Variants in STXBP6 observed in about 807,000 individuals in gnomAD.
STXBP6 encodes the protein syntaxin binding protein 6.
Under a neutral mutation model 26.9 loss-of-function variants are expected in STXBP6, and 21 were observed. The observed-to-expected ratio is 0.78, with a 90% CI of 0.55 to 1.12. The LOEUF (loss-of-function observed/expected upper bound fraction) is 1.12. STXBP6 is among the 50% of genes most tolerant of loss of function. The pLI is 0.00. For synonymous variants in STXBP6, 97 were observed against 92.6 expected (o/e 1.05, Z -0.27); for missense variants, 232 against 257.9 (o/e 0.90, Z 0.69).
intron 1 of STXBP6, among the ~76,000 whole-genome samples, chr14:25,035,770 C>G (rs1457144634): frequency 1.3e-5 from 2 of 152,126 alleles, no homozygotes; most frequent in African/African-American, 4.8e-5. Context: ...ATTTAGCAAT[C>G]TGGTTACCCA....
At chr14:25,011,368 A>G (rs934256173) in intron 1 of STXBP6, among the ~76,000 whole-genome samples, 8 of 152,202 alleles carry the variant, frequency 5.3e-5, no homozygotes, top group African/African-American at 1.9e-4. Context: ...ACTCAAGGAT[A>G]TTACATAAGA....
At chr14:24,824,114 G>GT (rs965934247) in intron 4 of STXBP6, among the ~76,000 whole-genome samples, 4 of 152,256 alleles carry the variant, frequency 2.6e-5, no homozygotes, top group East Asian at 1.9e-4. Flanking sequence ...CCTAAGACAT[G>GT]TTTTTTTCTT....
chr14:24,830,407 T>C (rs2068422079), intron 4 of STXBP6, among the ~76,000 whole-genome samples: 1 of 152,056 alleles, frequency 6.6e-6, no homozygotes, highest in Non-Finnish European at 1.5e-5. Flanking sequence ...AGATGAGATG[T>C]ATGGAAAGAT....
intron 1 of STXBP6, among the ~76,000 whole-genome samples, chr14:25,044,916 C>A (rs1289326850): frequency 1.3e-5 from 2 of 152,182 alleles, no homozygotes; most frequent in African/African-American, 2.4e-5. Flanking sequence ...AGAGTGCTAC[C>A]CACCATTTAT....
intron 2 of STXBP6, among the ~76,000 whole-genome samples, chr14:24,906,995 G>A (rs906099918): frequency 6.6e-6 from 1 of 152,022 alleles, no homozygotes; most frequent in South Asian, 2.1e-4. Context: ...GTAAAATTGT[G>A]GTTAACAAAA....
At chr14:24,917,895 G>C in intron 2 of STXBP6, among the ~76,000 whole-genome samples, 1 of 151,804 alleles carries the variant, frequency 6.6e-6, no homozygotes, top group Non-Finnish European at 1.5e-5. Flanking sequence ...ACATATCCTT[G>C]CCGGACTTCC....
At chr14:24,869,604 T>C (rs868463662) in intron 2 of STXBP6, among the ~76,000 whole-genome samples, 50 of 152,336 alleles carry the variant, frequency 3.3e-4, no homozygotes, top group Middle Eastern at 6.8e-3. Context: ...TCTCCACTGA[T>C]AATTTGTGCC....
rs149465874 is a variant in STXBP6 at position 24,990,369 on chromosome 14, A to G, written c.-32-15519T>C. ...CTACAATATGACCTTGCTTGAAAAG[A>G]TAAGCTGCGCCGCGCGCAGTGGCTC... On this transcript the variant is annotated intron_variant, in intron 1 of 5. Coordinates refer to ENST00000323944, the MANE Select transcript of STXBP6 (RefSeq NM_001394410.1). Among the ~76,000 whole-genome samples the G allele has an allele frequency of 1.5e-3, 224 of 152,306 alleles. 1 individual carries two copies. The highest frequency in any genetic ancestry group is 5.2e-3 in the African/African-American group (218 of 41,578).
intron 2 of STXBP6, among the ~76,000 whole-genome samples, chr14:24,930,967 C>T (rs1167464874): frequency 6.9e-6 from 1 of 144,824 alleles, no homozygotes; most frequent in African/African-American, 2.6e-5. Context: ...AAAAATTAGC[C>T]GGGCGCGGTG....
chr14:24,878,200 G>A (rs1365119607), intron 2 of STXBP6, among the ~76,000 whole-genome samples: 1 of 151,850 alleles, frequency 6.6e-6, no homozygotes, highest in East Asian at 1.9e-4. Context: ...TGACATTTTG[G>A]CAGTTTTGTT....
chr14:25,018,776 T>C (rs1230494034), intron 1 of STXBP6, among the ~76,000 whole-genome samples: 6 of 152,204 alleles, frequency 3.9e-5, no homozygotes, highest in African/African-American at 1.4e-4. Context: ...GACCTGCCTA[T>C]GCAATAAGTT....
chr14:24,990,788 C>T (rs371904053), intron 1 of STXBP6, among the ~76,000 whole-genome samples: 15 of 151,412 alleles, frequency 9.9e-5, no homozygotes, highest in African/African-American at 3.6e-4. Flanking sequence ...AGGTTGATCA[C>T]ATACAAGCAA....
At position 24,914,867 on chromosome 14, in the gene STXBP6, T is replaced by C. The variant is rs975722113; in HGVS notation, c.155-57710A>G. 4.6e-5 allele frequency among the ~76,000 whole-genome samples: 7 copies of C among 152,190 alleles called. 2 individuals carry two copies. The highest frequency in any genetic ancestry group is 3.9e-4 in the Admixed American group (6 of 15,280). On this transcript the variant is annotated intron_variant, in intron 2 of 5. Coordinates refer to ENST00000323944, the MANE Select transcript of STXBP6 (RefSeq NM_001394410.1). ...TTTCCAAAGGATGTAGCTCTTAGCT[T>C]TACAGATTTTGCTCATTTTCAGAAA...
chr14:24,923,986 T>C (rs2072073443), intron 2 of STXBP6, among the ~76,000 whole-genome samples: 1 of 152,164 alleles, frequency 6.6e-6, no homozygotes, highest in Non-Finnish European at 1.5e-5. Context: ...TTCTTTACCC[T>C]GATAAAAATA....
intron 1 of STXBP6, among the ~76,000 whole-genome samples, chr14:25,031,758 C>T (rs1211823171): frequency 6.8e-6 from 1 of 147,746 alleles, no homozygotes; most frequent in African/African-American, 2.5e-5. Flanking sequence ...TATCCTAATG[C>T]ACAGGACAAA....
At chr14:24,895,423 T>C (rs569935841) in intron 2 of STXBP6, among the ~76,000 whole-genome samples, 1 of 152,236 alleles carries the variant, frequency 6.6e-6, no homozygotes, top group African/African-American at 2.4e-5. Context: ...CTAGGTTTAC[T>C]GGCATTCATG....
intron 2 of STXBP6, among the ~76,000 whole-genome samples, chr14:24,858,766 A>G (rs1432593107): frequency 6.6e-6 from 1 of 152,074 alleles, no homozygotes; most frequent in Non-Finnish European, 1.5e-5. Context: ...ACCTGCTCTT[A>G]CGTTTTAATG....
chr14:24,953,282 A>C (rs12586327), intron 2 of STXBP6, among the ~76,000 whole-genome samples: 19,448 of 152,186 alleles, frequency 0.13, 1,580 homozygotes, highest in East Asian at 0.38. Context: ...GGGTAACCTC[A>C]GCTGAAAATC....
intron 2 of STXBP6, among the ~76,000 whole-genome samples, chr14:24,902,041 C>T (rs956486326): frequency 1.3e-5 from 2 of 152,136 alleles, no homozygotes; most frequent in African/African-American, 4.8e-5. Flanking sequence ...AAAGCATTTA[C>T]TTTTCTTATT....
Sources: gnomAD v4.1 joint callset for allele counts (sites outside exome capture counted in the v4.1 genomes callset) on GRCh38, gnomAD v4.1.1 for gene constraint, MANE v1.5 for transcripts, NCBI Gene and HGNC (gene_info 2026-07-23, HGNC 2026-07-21) for gene names.